GPM6B: variants seen among roughly 807,000 people sequenced by gnomAD.
The protein encoded by GPM6B is neuronal membrane glycoprotein M6-b.
GPM6B carries 4 observed loss-of-function variants against 27.2 expected under a neutral mutation model. The ratio of observed to expected loss-of-function variants is 0.15; its 90% CI spans 0.07 to 0.34. The LOEUF (loss-of-function observed/expected upper bound fraction) is 0.34. Among genes scored for constraint, GPM6B ranks in the 10% least tolerant of loss-of-function variants. The pLI, the probability that GPM6B is intolerant of heterozygous loss-of-function variation, is 1.00. For synonymous variants in GPM6B, 124 were observed against 103.1 expected (o/e 1.20, Z -1.23); for missense variants, 183 against 261.9 (o/e 0.70, Z 2.08).
In GPM6B at chrX:13,934,417, T is replaced by G. The variant is rs369698080; in HGVS notation, c.-198+3910A>C. Reference sequence around the variant, plus strand: ...TGCATGTATGGGTCTTCAGCGTGCTTCTTTCTGAGTGCAGCCTCTGAGGGT... The same window carrying G: ...TGCATGTATGGGTCTTCAGCGTGCTGCTTTCTGAGTGCAGCCTCTGAGGGT... On this transcript the variant is annotated intron_variant, in intron 1 of 6. Coordinates refer to the GPM6B transcript ENST00000398361. 2.1e-4 allele frequency among the ~76,000 whole-genome samples: 23 copies of G among 112,100 alleles called. No individual in the cohort carries two copies. In the South Asian group the frequency reaches 8.7e-3, roughly 43 times the overall value.
upstream of GPM6B, among the ~76,000 whole-genome samples, chrX:13,819,695 C>T (rs1359477256): frequency 2.7e-5 from 3 of 111,817 alleles, no homozygotes; most frequent in Non-Finnish European, 5.6e-5. Context: ...GCAGCACAGA[C>T]ATGCACAAGT....
At chrX:13,886,942 G>C (rs1483588315) in intron 1 of GPM6B, among the ~76,000 whole-genome samples, 2 of 109,985 alleles carry the variant, frequency 1.8e-5, no homozygotes, top group East Asian at 5.7e-4. Context: ...TCAGCCTCCC[G>C]AGTAGCTGGG....
chrX:13,827,939 A>G (rs1453262778), intron 1 of GPM6B, among the ~76,000 whole-genome samples: 3 of 111,115 alleles, frequency 2.7e-5, no homozygotes, highest in Non-Finnish European at 3.8e-5. Flanking sequence ...CAATGTGTGG[A>G]TTAATGAGTT....
intron 1 of GPM6B, among the ~76,000 whole-genome samples, chrX:13,896,063 G>C (rs781549221): frequency 7.1e-5 from 7 of 98,309 alleles, no homozygotes; most frequent in African/African-American, 2.2e-4. Context: ...GCTGAGGCAG[G>C]AGGATCTCTT....
At chrX:13,790,683 T>C (rs1487774425) in intron 2 of GPM6B, among the ~76,000 whole-genome samples, 1 of 112,238 alleles carries the variant, frequency 8.9e-6, no homozygotes, top group Non-Finnish European at 1.9e-5. Context: ...TTCCAAGGAC[T>C]ACAGTTAAGA....
chrX:13,780,596 C>A (rs1160298510), intron 4 of GPM6B, among the ~76,000 whole-genome samples: 2 of 111,781 alleles, frequency 1.8e-5, no homozygotes, highest in Non-Finnish European at 3.8e-5. Flanking sequence ...CTATAAAATT[C>A]TCATTTTCCT....
chrX:13,826,621 C>A (rs1204207737), intron 1 of GPM6B, among the ~76,000 whole-genome samples: 1 of 110,441 alleles, frequency 9.1e-6, no homozygotes, highest in East Asian at 2.8e-4. Context: ...ACCTATAGTT[C>A]CAGTTACTCA....
rs764535420 is a variant in GPM6B, at chrX:13,783,508, G to C, written c.382C>G (p.Gln128Glu). 1.7e-6 allele frequency: 2 copies of C among 1,195,635 alleles called. No homozygotes were observed. The highest frequency in any genetic ancestry group is 3.5e-5 in the African/African-American group (2 of 56,875). ...GACGCAATTCCATAGATGACATACT[G>C]CATCAGTTGTATCCTACAAAGAGAA... The part of the protein sequence containing the change: ...ALLSEVIQLM[Q>E]YVIYGIASFF... The change falls in exon 4 of 8, where the codon CAG becomes GAG. Residue 128 changes from glutamine (Q) to glutamate (E), a missense_variant. By Grantham distance (29) the Gln-to-Glu change is conservative. Transcript: ENST00000316715.
At chrX:13,837,653 A>C (rs2049513556) in intron 1 of GPM6B, among the ~76,000 whole-genome samples, 1 of 90,211 alleles carries the variant, frequency 1.1e-5, no homozygotes, top group Admixed American at 1.4e-4. Context: ...AAATTAGCAT[A>C]TTCCCCCCCT....
intron 1 of GPM6B, among the ~76,000 whole-genome samples, chrX:13,823,800 G>A (rs1260938557): frequency 8.9e-6 from 1 of 112,220 alleles, no homozygotes; most frequent in East Asian, 2.8e-4. Flanking sequence ...GATTAGGCAT[G>A]AGCCACCGCA....
intron 1 of GPM6B, among the ~76,000 whole-genome samples, chrX:13,847,101 A>C (rs1207819825): frequency 9.0e-6 from 1 of 111,121 alleles, no homozygotes; most frequent in African/African-American, 3.3e-5. Flanking sequence ...ATAAATTCAA[A>C]ATCCAAATGT....
chrX:13,789,321 A>T (rs955431675), intron 2 of GPM6B, among the ~76,000 whole-genome samples: 3 of 111,991 alleles, frequency 2.7e-5, no homozygotes, highest in African/African-American at 9.7e-5. Flanking sequence ...TTAGTCACAT[A>T]TCACACACTC....
Position 13,837,710 on chromosome X carries a change from T to TGG in GPM6B, c.-197-51904_-197-51903dup, listed in dbSNP as rs771546203. On this transcript the variant is annotated intron_variant, in intron 1 of 6. Transcript: ENST00000398361. ...GCTTTGCTTTTTCAAAGCAAGTTGGTGGGGGGGGGGGGGGGGGGAAGCAGA... is the reference window on the plus strand; with the variant it reads ...GCTTTGCTTTTTCAAAGCAAGTTGGTGGGGGGGGGGGGGGGGGGGGAAGCAGA... 2.1e-3 allele frequency among the ~76,000 whole-genome samples: 24 copies of TGG among 11,374 alleles called. 4 individuals carry two copies. The East Asian group carries it at 0.024, about 11-fold the overall frequency. 9.9% of individuals were successfully genotyped at this position (11,374 alleles called of 115,157 possible).
At chrX:13,824,970 T>A (rs1395502551) in intron 1 of GPM6B, among the ~76,000 whole-genome samples, 1 of 111,938 alleles carries the variant, frequency 8.9e-6, no homozygotes, top group Non-Finnish European at 1.9e-5. Flanking sequence ...AATCCTGACG[T>A]TCCTTGGCTT....
chrX:13,881,386 T>C (rs2050096066), intron 1 of GPM6B, among the ~76,000 whole-genome samples: 1 of 110,648 alleles, frequency 9.0e-6, no homozygotes, highest in South Asian at 3.9e-4. Flanking sequence ...GTGGCGCATG[T>C]CTCTAGTCCC....
intron 2 of GPM6B, among the ~76,000 whole-genome samples, chrX:13,800,982 G>T: frequency 9.3e-6 from 1 of 107,039 alleles, no homozygotes; most frequent in Middle Eastern, 4.7e-3. Flanking sequence ...TATGAAATCT[G>T]AATTTTTAAC....
chrX:13,858,914 T>A (rs2049811893), intron 1 of GPM6B, among the ~76,000 whole-genome samples: 1 of 112,382 alleles, frequency 8.9e-6, no homozygotes, highest in Non-Finnish European at 1.9e-5. Flanking sequence ...CCATTGTACC[T>A]TTCATAGGCA....
At chrX:13,857,906 G>A (rs775287097) in intron 1 of GPM6B, among the ~76,000 whole-genome samples, 3 of 112,401 alleles carry the variant, frequency 2.7e-5, no homozygotes, top group Admixed American at 9.4e-5. Flanking sequence ...GAGCAATACC[G>A]CAATAAGGAT....
At chrX:13,884,977 AC>A (rs761178622) in intron 1 of GPM6B, among the ~76,000 whole-genome samples, 2 of 111,908 alleles carry the variant, frequency 1.8e-5, no homozygotes, top group Non-Finnish European at 3.8e-5. Flanking sequence ...AAAACGAAAA[AC>A]CCAGAAAAAG....
Sources: allele counts gnomAD v4.1 joint callset (sites outside exome capture counted in the v4.1 genomes callset), GRCh38; gene constraint gnomAD v4.1.1; transcripts MANE v1.5; gene names NCBI Gene and HGNC (gene_info 2026-07-23, HGNC 2026-07-21).